The following IP6K1 variants were observed in gnomAD, a reference collection of about 807,000 sequenced individuals.
The protein encoded by IP6K1 is ATP:1D-myo-inositol-hexakisphosphate phosphotransferase.
A neutral mutation model predicts 38.3 loss-of-function variants in IP6K1; 13 were observed. The ratio of observed to expected loss-of-function variants is 0.34; its 90% CI spans 0.22 to 0.54. IP6K1 has a LOEUF of 0.54. Ranked by LOEUF, IP6K1 falls within the 20% of genes least tolerant of loss-of-function variation. The probability of loss-of-function intolerance (pLI) is 0.92; values close to 1 mark genes in which losing one functional copy is unlikely to be tolerated. For missense variants in IP6K1, 397 were observed against 599.8 expected (o/e 0.66, Z 3.53); for synonymous variants, 212 against 229.9 (o/e 0.92, Z 0.70).
At chr3:49,745,173 A>G (rs956464820) in intron 2 of IP6K1, among the ~76,000 whole-genome samples, 7 of 152,198 alleles carry the variant, frequency 4.6e-5, no homozygotes, top group African/African-American at 1.4e-4. Flanking sequence ...ACAGATTGTG[A>G]TAAGTGCTAT....
intron 4 of IP6K1, among the ~76,000 whole-genome samples, chr3:49,728,697 G>T (rs866392939): frequency 6.6e-6 from 1 of 151,480 alleles, no homozygotes; most frequent in Non-Finnish European, 1.5e-5. Flanking sequence ...TGCCTCGGCT[G>T]CCTGAGTAGC....
intron 1 of IP6K1, among the ~76,000 whole-genome samples, chr3:49,776,928 A>G (rs1282795899): frequency 1.3e-5 from 2 of 152,208 alleles, no homozygotes; most frequent in Non-Finnish European, 2.9e-5. Flanking sequence ...AGTACCTTCT[A>G]TGACTAACTG....
intron 2 of IP6K1, among the ~76,000 whole-genome samples, chr3:49,745,267 G>A (rs2080710286): frequency 6.6e-6 from 1 of 152,184 alleles, no homozygotes; most frequent in Non-Finnish European, 1.5e-5. Context: ...AGAAGTGTCT[G>A]GGGAGACCTA....
At chr3:49,736,432 T>C (rs2108227241) in intron 3 of IP6K1, among the ~76,000 whole-genome samples, 1 of 152,272 alleles carries the variant, frequency 6.6e-6, no homozygotes, top group East Asian at 1.9e-4. Context: ...CTCTATAGAT[T>C]TGCCTGATGT....
intron 1 of IP6K1, among the ~76,000 whole-genome samples, chr3:49,772,933 C>T (rs2080972472): frequency 6.6e-6 from 1 of 151,824 alleles, no homozygotes; most frequent in South Asian, 2.1e-4. Context: ...AAGTGATCCT[C>T]CTACCTCAGC....
At chr3:49,748,820 ATTTC>A (rs2080746146) in intron 1 of IP6K1, 2 of 152,270 alleles carry the variant, frequency 1.3e-5, no homozygotes, top group South Asian at 4.1e-4. Flanking sequence ...TGTACATTGT[ATTTC>A]TATTACTACA....
intron 1 of IP6K1, among the ~76,000 whole-genome samples, chr3:49,773,712 C>G (rs2080980479): frequency 6.6e-6 from 1 of 152,186 alleles, no homozygotes; most frequent in African/African-American, 2.4e-5. Flanking sequence ...ATTTTCTATG[C>G]TAGTGAACTC....
intron 1 of IP6K1, among the ~76,000 whole-genome samples, chr3:49,748,440 T>A (rs950329911): frequency 6.6e-6 from 1 of 152,186 alleles, no homozygotes; most frequent in African/African-American, 2.4e-5. Flanking sequence ...AAGGATTTTA[T>A]TTTAGAGCTA....
At chr3:49,747,370 GC>G (rs2080729790) in intron 2 of IP6K1, among the ~76,000 whole-genome samples, 1 of 151,902 alleles carries the variant, frequency 6.6e-6, no homozygotes, top group Non-Finnish European at 1.5e-5. Flanking sequence ...GGACTTCCAG[GC>G]CCCAGAAAGT....
chr3:49,752,669 T>C (rs1427015400), intron 1 of IP6K1, among the ~76,000 whole-genome samples: 1 of 151,750 alleles, frequency 6.6e-6, no homozygotes, highest in Non-Finnish European at 1.5e-5. Context: ...TTGGCCAGAC[T>C]GGTCTTTAAC....
intron 1 of IP6K1, among the ~76,000 whole-genome samples, chr3:49,785,026 T>G (rs2081099457): frequency 6.6e-6 from 1 of 152,150 alleles, no homozygotes; most frequent in Non-Finnish European, 1.5e-5. Context: ...TGCAGGCATA[T>G]TCTATGACCA....
intron 1 of IP6K1, among the ~76,000 whole-genome samples, chr3:49,767,307 G>T (rs146174230): frequency 6.6e-6 from 1 of 151,806 alleles, no homozygotes; most frequent in African/African-American, 2.4e-5. Context: ...GGCCAGGCGC[G>T]GTGGCTCACG....
intron 2 of IP6K1, among the ~76,000 whole-genome samples, chr3:49,747,395 A>C (rs1402715639): frequency 6.6e-6 from 1 of 152,184 alleles, no homozygotes; most frequent in Non-Finnish European, 1.5e-5. Flanking sequence ...TGCATTTCTT[A>C]CCAACAATTC....
intron 1 of IP6K1, among the ~76,000 whole-genome samples, chr3:49,777,415 T>C (rs1272703469): frequency 1.4e-5 from 2 of 139,782 alleles, no homozygotes; most frequent in Non-Finnish European, 3.1e-5. Context: ...TACAAAAAAT[T>C]AGCCGGGCGT....
chr3:49,751,160 T>TTGC (rs1334989715), intron 1 of IP6K1, among the ~76,000 whole-genome samples: 1 of 149,792 alleles, frequency 6.7e-6, no homozygotes, highest in Non-Finnish European at 1.5e-5. Context: ...TTTTTTTTTG[T>TTGC]TGTTGTTGTT....
At chr3:49,767,475 G>A (rs548566302) in intron 1 of IP6K1, among the ~76,000 whole-genome samples, 19 of 152,102 alleles carry the variant, frequency 1.2e-4, no homozygotes, top group African/African-American at 4.6e-4. Flanking sequence ...AGGTACTCGG[G>A]GGGCTAAAAC....
At chr3:49,731,081 T>TTA (rs909650803) in intron 4 of IP6K1, among the ~76,000 whole-genome samples, 8 of 150,758 alleles carry the variant, frequency 5.3e-5, no homozygotes, top group African/African-American at 1.9e-4. Flanking sequence ...GGTTTCAAAT[T>TTA]TATATATATA....
intron 2 of IP6K1, 139 bp from the exon 3 acceptor site, chr3:49,738,561 C>G (rs2080637064): frequency 1.5e-6 from 1 of 665,740 alleles, no homozygotes; most frequent in African/African-American, 1.8e-5. Context: ...ATCAGAACAA[C>G]AGCCAGCAGA....
At chr3:49,755,096 C>CATT (rs2080810852) in intron 1 of IP6K1, among the ~76,000 whole-genome samples, 1 of 111,944 alleles carries the variant, frequency 8.9e-6, no homozygotes, top group African/African-American at 3.3e-5. Flanking sequence ...CCAAGCCTGG[C>CATT]TTTTTTTTTT....
Sources: gnomAD v4.1 joint callset for allele counts (sites outside exome capture counted in the v4.1 genomes callset) on GRCh38, gnomAD v4.1.1 for gene constraint, MANE v1.5 for transcripts, NCBI Gene and HGNC (gene_info 2026-07-23, HGNC 2026-07-21) for gene names.